Variants in CD47 observed in about 807,000 individuals in gnomAD.
CD47 encodes the protein leukocyte surface antigen CD47.
A neutral mutation model predicts 44.6 loss-of-function variants in CD47; 11 were observed. The observed-to-expected ratio is 0.25, with a 90% confidence interval of 0.16 to 0.41. The LOEUF (loss-of-function observed/expected upper bound fraction) is 0.41, where lower values mean the gene tolerates loss of function less well. Ranked by LOEUF, CD47 falls within the 10% of genes least tolerant of loss-of-function variation. The pLI, the probability that CD47 is intolerant of heterozygous loss-of-function variation, is 1.00. For synonymous variants in CD47, 140 were observed against 136.3 expected (o/e 1.03, Z -0.19); for missense variants, 306 against 386.7 (o/e 0.79, Z 1.75).
chr3:108,081,121 G>C (rs890222565), intron 1 of CD47, among the ~76,000 whole-genome samples: 11 of 151,902 alleles, frequency 7.2e-5, no homozygotes, highest in African/African-American at 2.4e-4. Flanking sequence ...CGGTGAAAAA[G>C]CTAAGTAAGA....
At chr3:108,074,980 C>T (rs1322532417) in intron 2 of CD47, among the ~76,000 whole-genome samples, 1 of 152,198 alleles carries the variant, frequency 6.6e-6, no homozygotes, top group African/African-American at 2.4e-5. Flanking sequence ...TGTCAGATGA[C>T]GTTAACTCTT....
chr3:108,052,129 T>G (rs1192348610), intron 7 of CD47, 159 bp from the exon 8 acceptor site: 6 of 500,526 alleles, frequency 1.2e-5, no homozygotes, highest in Non-Finnish European at 2.2e-5. Flanking sequence ...TCAAACATGC[T>G]GAATATTCTT....
At chr3:108,085,130 A>G (rs1034881534) in intron 1 of CD47, among the ~76,000 whole-genome samples, 2 of 152,066 alleles carry the variant, frequency 1.3e-5, no homozygotes, top group South Asian at 4.1e-4. Context: ...ACTAAGCTCC[A>G]ATCATAATGA....
rs1559963753 is a variant in CD47, at chr3:108,044,460, A to AAAAAAAAAAAAAAAAAAAAAAC, written c.*2827_*2828insGTTTTTTTTTTTTTTTTTTTTT. On this transcript the variant is annotated 3_prime_UTR_variant, in exon 11 of 11. Coordinates refer to ENST00000361309, the MANE Select transcript of CD47 (RefSeq NM_001777.4). Reference sequence around the variant, plus strand: ...AAAAAAAAAAAAACAAAAAAAAAAAACAGAAAGAAAGAAAACTCTCAAGCT... The same window carrying AAAAAAAAAAAAAAAAAAAAAAC: ...AAAAAAAAAAAAACAAAAAAAAAAAAAAAAAAAAAAAAAAAAAAAAACCAGAAAGAAAGAAAACTCTCAAGCT... The AAAAAAAAAAAAAAAAAAAAAAC allele has an allele frequency of 2.2e-5, 2 of 91,550 alleles. 1 individual carries two copies. The highest frequency in any genetic ancestry group is 1.5e-3 in the East Asian group (2 of 1,350). 5.7% of individuals were successfully genotyped at this position (91,550 alleles called of 1,614,324 possible). A position where few individuals can be genotyped will look rare whatever the true frequency, so the allele number is the denominator to read the frequency against.
At chr3:108,059,657 A>T (rs1576994239) in intron 4 of CD47, 113 bp from the exon 5 acceptor site, 1 of 466,584 alleles carries the variant, frequency 2.1e-6, no homozygotes, top group East Asian at 3.6e-5. Flanking sequence ...TTTCCCTGAA[A>T]ACCTCACACA....
intron 3 of CD47, among the ~76,000 whole-genome samples, chr3:108,064,599 A>C (rs2079072429): frequency 6.6e-6 from 1 of 152,122 alleles, no homozygotes; most frequent in Non-Finnish European, 1.5e-5. Context: ...CACCCCAAAG[A>C]CTGGATTTGA....
At chr3:108,081,610 T>C (rs1041482350) in intron 1 of CD47, among the ~76,000 whole-genome samples, 2 of 151,932 alleles carry the variant, frequency 1.3e-5, no homozygotes, top group Non-Finnish European at 1.5e-5. Flanking sequence ...CTGCCCCTTT[T>C]TAATATGCTG....
chr3:108,087,658 C>T (rs2079548281), intron 1 of CD47, among the ~76,000 whole-genome samples: 1 of 152,072 alleles, frequency 6.6e-6, no homozygotes, highest in African/African-American at 2.4e-5. Context: ...CTAGCCAAAC[C>T]CCTTGCTTTA....
intron 3 of CD47, among the ~76,000 whole-genome samples, chr3:108,066,194 C>T (rs997680046): frequency 3.3e-5 from 5 of 151,502 alleles, no homozygotes; most frequent in East Asian, 1.9e-4. Flanking sequence ...TACTCAAAGA[C>T]ATCTGAGCCG....
chr3:108,090,992 G>C lies in CD47; in HGVS notation c.-84C>G, dbSNP rs202015923. On this transcript the variant is annotated 5_prime_UTR_variant, in exon 1 of 11. Coordinates refer to ENST00000361309, the MANE Select transcript of CD47 (RefSeq NM_001777.4). ...GCCGCCGTTACAGGCAGGACCGACC[G>C]CCGCCGCGCGTCACAGGCAGGACCC... 1.2e-5 allele frequency: 12 copies of C among 977,644 alleles called. No homozygotes were observed. The highest frequency in any genetic ancestry group is 4.1e-6 in the Non-Finnish European group (3 of 725,704). The allele number at this position is 977,644 out of a possible 1,614,324, so 60.6% of individuals were successfully genotyped here. A position where few individuals can be genotyped will look rare whatever the true frequency, so the allele number is the denominator to read the frequency against.
At chr3:108,062,647 T>G (rs942662071) in intron 3 of CD47, among the ~76,000 whole-genome samples, 2 of 147,042 alleles carry the variant, frequency 1.4e-5, no homozygotes, top group Admixed American at 6.7e-5. Context: ...CTTTTCTTTT[T>G]TTTTTTTTTT....
intron 3 of CD47, among the ~76,000 whole-genome samples, chr3:108,068,576 G>T (rs1351786197): frequency 6.6e-6 from 1 of 152,202 alleles, no homozygotes; most frequent in Non-Finnish European, 1.5e-5. Context: ...GTACAGTGCA[G>T]TGGTAAACAG....
Position 108,051,994 on chromosome 3 carries a change from T to C in CD47, c.878-24A>G, listed in dbSNP as rs778716898. The C allele has an allele frequency of 5.4e-6, 6 of 1,113,476 alleles. No homozygotes were observed. The African/African-American group carries it at 9.4e-5, about 17-fold the overall frequency. The allele number at this position is 1,113,476 out of a possible 1,614,324, so 69.0% of individuals were successfully genotyped here. On this transcript the variant is annotated intron_variant, in intron 7 of 10. Coordinates refer to ENST00000361309, the MANE Select transcript of CD47 (RefSeq NM_001777.4). ...AGCTGATATAAATAACAAATAAGAA[T>C]ATAAATTTAATAAATGAAATAAACT...
intron 2 of CD47, among the ~76,000 whole-genome samples, chr3:108,079,567 TAAAAA>T (rs71629342): frequency 1.9e-5 from 1 of 53,102 alleles, no homozygotes; most frequent in African/African-American, 1.0e-4. Context: ...AGTGTAAGGT[TAAAAA>T]AAAAAAAAAA....
chr3:108,090,684 G>A (rs1269928604), intron 1 of CD47, among the ~76,000 whole-genome samples, 179 bp downstream of exon 1: 1 of 152,100 alleles, frequency 6.6e-6, no homozygotes, highest in Non-Finnish European at 1.5e-5. Flanking sequence ...GAGGAAGAAG[G>A]GGGGCGCCCG....
chr3:108,068,626 T>C (rs1359705516), intron 3 of CD47, among the ~76,000 whole-genome samples: 1 of 152,180 alleles, frequency 6.6e-6, no homozygotes, highest in Non-Finnish European at 1.5e-5. Flanking sequence ...AACGGCTGGG[T>C]GATTGCGGGC....
At chr3:108,080,948 A>C (rs1357742681) in intron 1 of CD47, among the ~76,000 whole-genome samples, 1 of 151,816 alleles carries the variant, frequency 6.6e-6, no homozygotes, top group Non-Finnish European at 1.5e-5. Flanking sequence ...GAAAAAAAAA[A>C]CATTATCTGT....
chr3:108,057,230 C>T (rs1038573506), intron 7 of CD47, among the ~76,000 whole-genome samples: 3 of 152,084 alleles, frequency 2.0e-5, no homozygotes, highest in Non-Finnish European at 4.4e-5. Flanking sequence ...TTCATTAATC[C>T]TATATGTCTT....
chr3:108,057,287 C>T (rs963083742), intron 7 of CD47, among the ~76,000 whole-genome samples, 190 bp downstream of exon 7: 2 of 152,118 alleles, frequency 1.3e-5, no homozygotes, highest in Non-Finnish European at 2.9e-5. Flanking sequence ...TATTTTCTGA[C>T]TTCTGGTCTT....
Sources: allele counts gnomAD v4.1 joint callset (sites outside exome capture counted in the v4.1 genomes callset), GRCh38; gene constraint gnomAD v4.1.1; transcripts MANE v1.5; gene names NCBI Gene and HGNC (gene_info 2026-07-23, HGNC 2026-07-21).